LEKR1: variants seen among roughly 807,000 people sequenced by gnomAD.
The protein encoded by LEKR1 is leucine, glutamate and lysine rich 1, also known as protein LEKR1.
Under a neutral mutation model 72.4 loss-of-function variants are expected in LEKR1, and 59 were observed. The ratio of observed to expected loss-of-function variants is 0.82; its 90% confidence interval spans 0.66 to 1.01. The LOEUF (loss-of-function observed/expected upper bound fraction) is 1.01, where lower values mean the gene tolerates loss of function less well. LEKR1 is among the 50% of genes least tolerant of loss of function. The pLI is 0.00. For synonymous variants in LEKR1, 257 were observed against 263.2 expected, an observed-to-expected ratio of 0.98 and a Z score of 0.23; for missense variants, 728 against 759.2, an observed-to-expected ratio of 0.96 and a Z score of 0.48.
chr3:156,962,550 G>A (rs1054937613), intron 6 of LEKR1, among the ~76,000 whole-genome samples: 4 of 152,130 alleles, frequency 2.6e-5, no homozygotes, highest in African/African-American at 9.7e-5. Flanking sequence ...GTCTTATAAA[G>A]GGATCTCCTG....
At chr3:156,955,285 G>T (rs532724213) in intron 6 of LEKR1, among the ~76,000 whole-genome samples, 1 of 151,906 alleles carries the variant, frequency 6.6e-6, no homozygotes, top group South Asian at 2.1e-4. Context: ...ATCATGTTAT[G>T]TGCAAATAAA....
chr3:157,018,611 G>C (rs1486273138), intron 10 of LEKR1, among the ~76,000 whole-genome samples: 1 of 151,868 alleles, frequency 6.6e-6, no homozygotes, highest in Admixed American at 6.6e-5. Context: ...GGGGTTGGGG[G>C]GACAGCTTAC....
At chr3:156,975,317 T>C (rs1729595499) in intron 6 of LEKR1, among the ~76,000 whole-genome samples, 1 of 152,132 alleles carries the variant, frequency 6.6e-6, no homozygotes, top group Non-Finnish European at 1.5e-5. Context: ...AAAATTTCCC[T>C]GATCTCTGGG....
chr3:156,885,480 T>C (rs1336431746), intron 3 of LEKR1, among the ~76,000 whole-genome samples: 1 of 152,216 alleles, frequency 6.6e-6, no homozygotes, highest in Non-Finnish European at 1.5e-5. Context: ...GGATGATCCC[T>C]TGATGTGGTA....
chr3:156,837,459 T>C (rs955847716), intron 2 of LEKR1, among the ~76,000 whole-genome samples: 2 of 152,208 alleles, frequency 1.3e-5, no homozygotes, highest in Admixed American at 1.3e-4. Flanking sequence ...CCCAAGGACG[T>C]AAAACAAGAT....
At chr3:156,984,922 G>T (rs1236378410) in intron 7 of LEKR1, among the ~76,000 whole-genome samples, 1 of 151,650 alleles carries the variant, frequency 6.6e-6, no homozygotes. Context: ...CTGTTCTTGG[G>T]ACAGTCTCTA....
intron 10 of LEKR1, among the ~76,000 whole-genome samples, chr3:157,015,146 G>T (rs1733208818): frequency 1.3e-5 from 2 of 152,182 alleles, no homozygotes; most frequent in Non-Finnish European, 2.9e-5. Flanking sequence ...TCATGGTTCA[G>T]GGAGTGGGAA....
At chr3:156,927,676 A>T (rs114588835) in intron 5 of LEKR1, 72 bp downstream of exon 5, 4 of 568,936 alleles carry the variant, frequency 7.0e-6, no homozygotes, top group East Asian at 2.4e-4. Flanking sequence ...TAAAATAATG[A>T]TATTTCATTT....
intron 2 of LEKR1, among the ~76,000 whole-genome samples, chr3:156,835,916 A>G (rs370082213): frequency 8.5e-6 from 1 of 118,154 alleles, no homozygotes; most frequent in East Asian, 2.8e-4. Context: ...CTCTGTCACC[A>G]AGGCTGGAGT....
At chr3:156,977,081 C>G (rs1729757715) in intron 6 of LEKR1, among the ~76,000 whole-genome samples, 1 of 152,168 alleles carries the variant, frequency 6.6e-6, no homozygotes, top group Non-Finnish European at 1.5e-5. Flanking sequence ...AGAGCCTCTC[C>G]AGAGCTGAGC....
intron 3 of LEKR1, among the ~76,000 whole-genome samples, chr3:156,898,964 G>A (rs1721491948): frequency 6.6e-6 from 1 of 152,130 alleles, no homozygotes; most frequent in South Asian, 2.1e-4. Flanking sequence ...CTTTCGCATA[G>A]TTGATGCTGA....
At chr3:157,019,469 G>C (rs1256570138) in intron 10 of LEKR1, among the ~76,000 whole-genome samples, 2 of 152,176 alleles carry the variant, frequency 1.3e-5, no homozygotes, top group Admixed American at 1.3e-4. Context: ...TCAGCTAGAA[G>C]AGGATATAGA....
At chr3:156,896,389 C>G (rs372330616) in intron 3 of LEKR1, among the ~76,000 whole-genome samples, 1 of 152,002 alleles carries the variant, frequency 6.6e-6, no homozygotes, top group African/African-American at 2.4e-5. Context: ...AATGGGCAAA[C>G]GACATTAACA....
chr3:156,988,957 G>A (rs530746741), intron 7 of LEKR1, among the ~76,000 whole-genome samples: 14 of 151,850 alleles, frequency 9.2e-5, no homozygotes, highest in Non-Finnish European at 1.5e-4. Context: ...TCAGCCTCCC[G>A]AGTAGCTGAG....
chr3:156,993,048 TG>T, intron 8 of LEKR1, 25 bp from the exon 9 acceptor site: 1 of 1,259,928 alleles, frequency 7.9e-7, no homozygotes, highest in Non-Finnish European at 1.1e-6. Flanking sequence ...TGTATGTTGG[TG>T]GGTGTTTTTC....
chr3:157,011,791 C>A (rs1732910646), intron 10 of LEKR1, among the ~76,000 whole-genome samples: 2 of 152,074 alleles, frequency 1.3e-5, no homozygotes, highest in Admixed American at 6.6e-5. Context: ...CTTATCTCCT[C>A]ATCAACTATC....
At chr3:156,886,227 A>G (rs917766762) in intron 3 of LEKR1, among the ~76,000 whole-genome samples, 3 of 152,048 alleles carry the variant, frequency 2.0e-5, no homozygotes, top group Admixed American at 6.6e-5. Flanking sequence ...TTGCCAGGGA[A>G]GTGGGGGATA....
At chr3:156,899,615 C>CATATACGT (rs1560064616) in intron 3 of LEKR1, among the ~76,000 whole-genome samples, 12 of 85,492 alleles carry the variant, frequency 1.4e-4, no homozygotes, top group African/African-American at 5.8e-4. Flanking sequence ...TATATACACA[C>CATATACGT]ATATATACAC....
At chr3:157,016,179 T>A (rs1411898802) in intron 10 of LEKR1, among the ~76,000 whole-genome samples, 6 of 151,924 alleles carry the variant, frequency 3.9e-5, no homozygotes, top group African/African-American at 1.5e-4. Context: ...GAAGAAATAA[T>A]GACGGAAAGT....
Sources: allele counts gnomAD v4.1 joint callset (sites outside exome capture counted in the v4.1 genomes callset), GRCh38; gene constraint gnomAD v4.1.1; transcripts MANE v1.5; gene names NCBI Gene and HGNC (gene_info 2026-07-23, HGNC 2026-07-21).